GNAS: variants seen among roughly 807,000 people sequenced by gnomAD.
The protein encoded by GNAS is protein ALEX.
A neutral mutation model predicts 54.5 loss-of-function variants in GNAS; 8 were observed. That is an observed-to-expected ratio of 0.15 (90% CI 0.09 to 0.26). The LOEUF is 0.26. Among genes scored for constraint, GNAS ranks in the 10% least tolerant of loss-of-function variants. The probability of loss-of-function intolerance (pLI) is 1.00; values close to 1 mark genes in which losing one functional copy is unlikely to be tolerated. For synonymous variants in GNAS, 204 were observed against 191.4 expected (o/e 1.07, Z -0.54); for missense variants, 170 against 529.8 (o/e 0.32, Z 6.67).
At chr20:58,858,245 A>G (rs1216442491) in intron 1 of GNAS, among the ~76,000 whole-genome samples, 2 of 152,238 alleles carry the variant, frequency 1.3e-5, no homozygotes, top group African/African-American at 2.4e-5. Flanking sequence ...GTCCTTTGAT[A>G]TGGTTGCTAA....
chr20:58,907,534 G>A lies in GNAS; in HGVS notation c.531-1628G>A, dbSNP rs377022501. ...TTAACCACCCCAGTTTTGAATGCTG[G>A]GGGGGCAGGGAGACCCAGTTTCGTT... On this transcript the variant is annotated intron_variant, in intron 6 of 12. Coordinates refer to ENST00000371085, the MANE Select transcript of GNAS (RefSeq NM_000516.7). 2.6e-5 allele frequency among the ~76,000 whole-genome samples: 4 copies of A among 152,180 alleles called. No individual in the cohort carries two copies. In the East Asian group the frequency reaches 7.7e-4, roughly 29 times the overall value.
upstream of GNAS, chr20:58,890,621 C>T (rs1043742627): frequency 6.6e-6 from 1 of 152,220 alleles, no homozygotes; most frequent in Non-Finnish European, 1.5e-5. Context: ...GCTGCGCCTT[C>T]TTCTCCTACT....
At chr20:58,868,010 G>GTTTC (rs759517718) in intron 1 of GNAS, among the ~76,000 whole-genome samples, 33 of 145,902 alleles carry the variant, frequency 2.3e-4, no homozygotes, top group African/African-American at 8.5e-4. Flanking sequence ...CACCTCTCCT[G>GTTTC]TTTCTTTCTT....
chr20:58,840,622 C>G (rs953102685), upstream of GNAS: 2 of 1,607,870 alleles, frequency 1.2e-6, no homozygotes, highest in East Asian at 2.2e-5. This position sits in a 1 kb window ranked among gnomAD's most constrained non-coding sequence, Gnocchi z 6.0. Flanking sequence ...GAAGCCCCGA[C>G]GCCTCCCCAA....
chr20:58,900,089 G>T, intron 3 of GNAS: 2 of 568,408 alleles, frequency 3.5e-6, no homozygotes, highest in Non-Finnish European at 6.4e-6. Context: ...GGGGGGATGG[G>T]GCCCCTGCTA....
chr20:58,868,477 A>G (rs888102083), intron 1 of GNAS, among the ~76,000 whole-genome samples: 1 of 151,722 alleles, frequency 6.6e-6, no homozygotes, highest in Non-Finnish European at 1.5e-5. Flanking sequence ...TGGCCCTGCA[A>G]TCTTGATTCC....
rs570108233 is a variant in GNAS at position 58,892,020 on chromosome 20, G to A, written c.139+155G>A. ...GTCTGTGGGGGGCGAGGCCGGAAGG[G>A]GGACCCAGGGGCGCGGATTCGGCCG... On this transcript the variant is annotated intron_variant, in intron 1 of 12. Transcript: ENST00000371085. The A allele has an allele frequency of 3.2e-5, 26 of 819,626 alleles. No individual in the cohort carries two copies. The South Asian group carries it at 1.3e-3, about 40-fold the overall frequency. 50.8% of individuals were successfully genotyped at this position (819,626 alleles called of 1,614,324 possible). A position where few individuals can be genotyped will look rare whatever the true frequency, so the allele number is the denominator to read the frequency against.
chr20:58,893,071 T>C (rs980993331), intron 1 of GNAS, among the ~76,000 whole-genome samples: 1 of 61,566 alleles, frequency 1.6e-5, no homozygotes, highest in Non-Finnish European at 4.2e-5. Context: ...GGTTTCTTTT[T>C]TTTTTTTTTT....
chr20:58,899,018 ACAAAC>A, intron 3 of GNAS, 33 bp downstream of exon 3: 1 of 1,510,296 alleles, frequency 6.6e-7, no homozygotes. Flanking sequence ...AAAATTGTTA[ACAAAC>A]CAAACAAACA....
chr20:58,855,764 C>G, intron 1 of GNAS: 1 of 617,796 alleles, frequency 1.6e-6, no homozygotes, highest in East Asian at 2.7e-5. Context: ...CCTGGCACGG[C>G]TGCTTGGACT....
chr20:58,854,531 CG>C, intron 1 of GNAS: 1 of 1,582,202 alleles, frequency 6.3e-7, no homozygotes, highest in Non-Finnish European at 8.5e-7. Flanking sequence ...ATCCTGACTC[CG>C]GGGCATTCGC....
At chr20:58,840,617 C>T (rs898544242), upstream of GNAS, 2 of 1,608,196 alleles carry the variant, frequency 1.2e-6, no homozygotes, top group African/African-American at 1.3e-5. The surrounding 1 kb of genome is among the most constrained non-coding windows in gnomAD (Gnocchi z 6.0). Context: ...GTTGCGAAGC[C>T]CCGACGCCTC....
chr20:58,903,442 T>C (rs1175292796), intron 3 of GNAS, 89 bp from the exon 4 acceptor site: 1 of 1,068,014 alleles, frequency 9.4e-7, no homozygotes, highest in Non-Finnish European at 1.4e-6. Context: ...CAGAATACTA[T>C]GCTTTTTAGT....
Position 58,854,162 on chromosome 20 carries a change from C to A in GNAS, c.43+13276C>A, listed in dbSNP as rs200409817. Reference sequence around the variant, plus strand: ...CTCCTTCTAACTTCACGGGCAGCAGCCCCTGGATGGAGATCTCCGGACCCC... The same window carrying A: ...CTCCTTCTAACTTCACGGGCAGCAGACCCTGGATGGAGATCTCCGGACCCC... On this transcript the variant is annotated intron_variant, in intron 1 of 12. Transcript: ENST00000306090. 2.4e-4 allele frequency: 384 copies of A among 1,612,734 alleles called. No individual in the cohort carries two copies. The highest frequency in any genetic ancestry group is 3.1e-4 in the Non-Finnish European group (367 of 1,179,816).
chr20:58,911,168 A>G lies in GNAS; in HGVS notation c.*339A>G, dbSNP rs1042912376. On this transcript the variant is annotated 3_prime_UTR_variant, in exon 13 of 13. Transcript: ENST00000371085. ...TTGTGCAGCATTAAAAAAAATCAAA[A>G]TAAAAATTAAATGTGAGCAAAGAAT... The G allele has an allele frequency of 6.1e-6, 3 of 490,840 alleles. No homozygotes were observed. The highest frequency in any genetic ancestry group is 5.8e-5 in the African/African-American group (3 of 51,414). 30.4% of individuals were successfully genotyped at this position (490,840 alleles called of 1,614,324 possible).
upstream of GNAS, chr20:58,889,656 T>C (rs562577139): frequency 9.9e-5 from 15 of 152,044 alleles, no homozygotes; most frequent in African/African-American, 3.4e-4. Flanking sequence ...GGTTTGTTCT[T>C]GTCCCTTTTT....
chr20:58,895,303 A>C (rs2089940874), intron 1 of GNAS: 1 of 405,748 alleles, frequency 2.5e-6, no homozygotes, highest in African/African-American at 2.0e-5. Flanking sequence ...AAATTGCGTC[A>C]TTCCTTCTCT....
Position 58,841,379 on chromosome 20 carries a change from A to G in GNAS, c.43+493A>G, listed in dbSNP as rs2085719316. ...GTAGAGACACCGTTGAAATGTGCGG[A>G]AAGTAATCTGAATGGGAATGGGCGA... On this transcript the variant is annotated intron_variant, in intron 1 of 12. Transcript: ENST00000306090. The surrounding 1 kb of genome is among the most constrained non-coding windows in gnomAD (Gnocchi z 5.0). 9.8e-7 allele frequency: 1 copy of G among 1,016,660 alleles called. No homozygotes were observed. Among genetic ancestry groups the G allele is most frequent in the Non-Finnish European group, 1.2e-6 (1 of 848,724 alleles). 63.0% of individuals were successfully genotyped at this position (1,016,660 alleles called of 1,614,324 possible).
rs377127806 is a variant in GNAS at position 58,854,312 on chromosome 20, A to G, written c.43+13426A>G. On this transcript the variant is annotated intron_variant, in intron 1 of 12. Coordinates refer to the GNAS transcript ENST00000306090. ...GAGCCCCAGATAAGAGAGAGCGAGC[A>G]GAGAGACCCCCAGTTGAGGAGGAAG... is the stretch of plus-strand genomic sequence containing the variant. 120 of 1,601,332 alleles carry G rather than the reference A, an allele frequency of 7.5e-5. No individual in the cohort carries two copies. Among genetic ancestry groups the G allele is most frequent in the Non-Finnish European group, 9.7e-5 (114 of 1,174,510 alleles).
Sources: allele counts gnomAD v4.1 joint callset (sites outside exome capture counted in the v4.1 genomes callset), GRCh38; gene constraint gnomAD v4.1.1; non-coding constraint Gnocchi (gnomAD v3.1); transcripts MANE v1.5; gene names NCBI Gene and HGNC (gene_info 2026-07-23, HGNC 2026-07-21).